The following PTCHD1 variants were observed in gnomAD, a reference collection of about 807,000 sequenced individuals.
The protein encoded by PTCHD1 is patched domain-containing protein 1.
A neutral mutation model predicts 34.6 loss-of-function variants in PTCHD1; 3 were observed. The ratio of observed to expected loss-of-function variants is 0.09; its 90% CI spans 0.04 to 0.22. The LOEUF is 0.22. Among genes scored for constraint, PTCHD1 ranks in the 10% least tolerant of loss-of-function variants. The pLI, the probability that PTCHD1 is intolerant of heterozygous loss-of-function variation, is 1.00. For synonymous variants in PTCHD1, 305 were observed against 283.1 expected (o/e 1.08, Z -0.77); for missense variants, 504 against 685.5 (o/e 0.74, Z 2.96).
At chrX:23,362,587 G>A (rs779976319) in intron 1 of PTCHD1, among the ~76,000 whole-genome samples, 13 of 111,836 alleles carry the variant, frequency 1.2e-4, no homozygotes, top group South Asian at 3.8e-4. Flanking sequence ...CCTTTAGCTC[G>A]GAGAAGTTTG....
chrX:23,354,676 T>C (rs1921751412), intron 1 of PTCHD1, among the ~76,000 whole-genome samples: 1 of 105,094 alleles, frequency 9.5e-6, no homozygotes, highest in Non-Finnish European at 2.0e-5. Flanking sequence ...AGGTTCAAAC[T>C]ATTCTCCTGC....
rs1397294121 is a variant in PTCHD1, at chrX:23,399,521, G to C, written c.*5336G>C. On this transcript the variant is annotated 3_prime_UTR_variant, in exon 3 of 3. Transcript: ENST00000379361. Reference sequence around the variant, plus strand: ...TCCTAAATTAATACAGACCTCATTGGGAGTGTGATCCTGGTGTCCTCATTT... The same window carrying C: ...TCCTAAATTAATACAGACCTCATTGCGAGTGTGATCCTGGTGTCCTCATTT... 8.9e-6 allele frequency: 1 copy of C among 111,796 alleles called. No homozygotes were observed. The highest frequency in any genetic ancestry group is 1.9e-5 in the Non-Finnish European group (1 of 53,202). 9.2% of individuals were successfully genotyped at this position (111,796 alleles called of 1,213,427 possible).
Position 23,395,231 on chromosome X carries a change from A to G in PTCHD1, c.*1046A>G, listed in dbSNP as rs1486194023. On this transcript the variant is annotated 3_prime_UTR_variant, in exon 3 of 3. Transcript: ENST00000379361. Reference sequence around the variant, plus strand: ...CATCTGCCCACACAAAACTGCGGGGAAAAAAAATGAACACTGAAATAGTTA... The same window carrying G: ...CATCTGCCCACACAAAACTGCGGGGGAAAAAAATGAACACTGAAATAGTTA... 2 of 112,022 alleles carry G rather than the reference A, an allele frequency of 1.8e-5. No individual in the cohort carries two copies. Among genetic ancestry groups the G allele is most frequent in the Non-Finnish European group, 3.8e-5 (2 of 53,143 alleles). 9.2% of individuals were successfully genotyped at this position (112,022 alleles called of 1,213,427 possible). A position where few individuals can be genotyped will look rare whatever the true frequency, so the allele number is the denominator to read the frequency against.
chrX:23,363,320 C>T (rs1002315222), intron 1 of PTCHD1, among the ~76,000 whole-genome samples: 4 of 112,634 alleles, frequency 3.6e-5, no homozygotes, highest in African/African-American at 1.3e-4. Context: ...GTTTGAGCTT[C>T]CAGGGCAGCT....
In PTCHD1 at chrX:23,394,368, T is replaced by C. The variant is rs1922920115; in HGVS notation, c.*183T>C. The stretch of plus-strand genomic sequence containing the variant: ...AAATGGGCCTGGCATATTTTCAGTC[T>C]TTAAAACAAAGGAGTTGTTATGAGA... On this transcript the variant is annotated 3_prime_UTR_variant, in exon 3 of 3. Transcript: ENST00000379361. 2.4e-6 allele frequency: 1 copy of C among 410,193 alleles called. No individual in the cohort carries two copies. The highest frequency in any genetic ancestry group is 4.1e-5 in the East Asian group (1 of 24,442). The allele number at this position is 410,193 out of a possible 1,213,427, so 33.8% of individuals were successfully genotyped here.
intron 2 of PTCHD1, among the ~76,000 whole-genome samples, chrX:23,384,637 C>T (rs1291468969): frequency 8.9e-6 from 1 of 111,881 alleles, no homozygotes; most frequent in Non-Finnish European, 1.9e-5. Context: ...AATTCTCATG[C>T]AAAACATTTA....
intron 1 of PTCHD1, among the ~76,000 whole-genome samples, chrX:23,342,472 G>A (rs749312200): frequency 3.8e-5 from 4 of 106,544 alleles, no homozygotes; most frequent in African/African-American, 6.7e-5. Flanking sequence ...GTTATACATC[G>A]AGAGATTTAG....
intron 1 of PTCHD1, among the ~76,000 whole-genome samples, chrX:23,342,292 ATATATATATATATATATATTTTTTTT>A (rs1477827583): frequency 1.1e-3 from 8 of 7,065 alleles, no homozygotes; most frequent in African/African-American, 6.5e-3. Context: ...ATATATATAT[ATATATATATATATATATATTTTTTTT>A]TTTTTTTTTT....
In PTCHD1 at chrX:23,402,312, TC is replaced by T. The variant is rs1923143235; in HGVS notation, c.*8128del. ...GCTTATACCAAACTCTCTGTCTCTCTCTCTCTCTCTCACACACACACACACA... is the reference window on the plus strand; with the variant it reads ...GCTTATACCAAACTCTCTGTCTCTCTTCTCTCTCTCACACACACACACACA... On this transcript the variant is annotated 3_prime_UTR_variant, in exon 3 of 3. Coordinates refer to ENST00000379361, the MANE Select transcript of PTCHD1 (RefSeq NM_173495.3). The T allele has an allele frequency of 9.0e-6, 1 of 111,266 alleles. No homozygotes were observed. The highest frequency in any genetic ancestry group is 3.3e-5 in the African/African-American group (1 of 30,406). The allele number at this position is 111,266 out of a possible 1,213,427, so 9.2% of individuals were successfully genotyped here. A position where few individuals can be genotyped will look rare whatever the true frequency, so the allele number is the denominator to read the frequency against.
At chrX:23,343,189 T>C in intron 1 of PTCHD1, among the ~76,000 whole-genome samples, 1 of 112,978 alleles carries the variant, frequency 8.9e-6, no homozygotes, top group Non-Finnish European at 1.9e-5. Flanking sequence ...TATATTCATT[T>C]TTCATCTTTG....
intron 1 of PTCHD1, among the ~76,000 whole-genome samples, chrX:23,376,698 G>A (rs1922422187): frequency 8.9e-6 from 1 of 111,807 alleles, no homozygotes; most frequent in Non-Finnish European, 1.9e-5. Flanking sequence ...TATAACTCTT[G>A]TTATCCTCTC....
At chrX:23,335,492 A>AGTGCT (rs1190023906) in intron 1 of PTCHD1, among the ~76,000 whole-genome samples, 5 of 112,905 alleles carry the variant, frequency 4.4e-5, no homozygotes, top group African/African-American at 1.3e-4. Flanking sequence ...CGGCGGCCAC[A>AGTGCT]GTGCTGTGGT....
intron 2 of PTCHD1, among the ~76,000 whole-genome samples, chrX:23,391,170 T>TTA (rs778900281): frequency 9.0e-6 from 1 of 111,323 alleles, no homozygotes; most frequent in Non-Finnish European, 1.9e-5. Flanking sequence ...ACATGAGCAT[T>TTA]TACTGTACCT....
Position 23,393,438 on chromosome X carries a change from C to A in PTCHD1, c.1920C>A (p.Val640=). ...IIFSKKYNDE[V]DVVASRMFLV... Reference sequence around the variant, plus strand: ...TCTCTAAAAAATACAATGATGAGGTCGATGTAGTGGCCTCCAGAATGTTTT... The same window carrying A: ...TCTCTAAAAAATACAATGATGAGGTAGATGTAGTGGCCTCCAGAATGTTTT... Residue 640 remains valine, a synonymous_variant, in exon 3 of 3, where the codon GTC becomes GTA. Transcript: ENST00000379361. 2.5e-6 allele frequency: 3 copies of A among 1,209,492 alleles called. No homozygotes were observed. The African/African-American group carries it at 5.2e-5, about 21-fold the overall frequency.
At chrX:23,359,560 G>C in intron 1 of PTCHD1, among the ~76,000 whole-genome samples, 1 of 111,910 alleles carries the variant, frequency 8.9e-6, no homozygotes, top group Middle Eastern at 4.6e-3. Flanking sequence ...TGAGACGATG[G>C]GATTTTATAA....
intron 1 of PTCHD1, among the ~76,000 whole-genome samples, chrX:23,363,361 G>A (rs1447280616): frequency 7.1e-5 from 8 of 112,560 alleles, no homozygotes; most frequent in East Asian, 2.8e-4. Context: ...CAGCAGTGGC[G>A]GACGCCCATC....
intron 1 of PTCHD1, among the ~76,000 whole-genome samples, chrX:23,338,515 C>T (rs1874820126): frequency 8.9e-6 from 1 of 112,107 alleles, no homozygotes; most frequent in African/African-American, 3.2e-5. Flanking sequence ...CAGTACAGCC[C>T]AGTACTTATG....
rs1175157553 is a variant in PTCHD1, at chrX:23,343,092, A to T, written c.351+7866A>T. On this transcript the variant is annotated intron_variant, in intron 1 of 2. Transcript: ENST00000379361. Reference sequence around the variant, plus strand: ...TTGTTACTGGTTTATAGCTTGTAAGATGGAAAATGTGCTCTGCCTCCCTAT... The same window carrying T: ...TTGTTACTGGTTTATAGCTTGTAAGTTGGAAAATGTGCTCTGCCTCCCTAT... Among the ~76,000 whole-genome samples the T allele has an allele frequency of 4.4e-5, 5 of 112,403 alleles. No individual in the cohort carries two copies. In the East Asian group the frequency reaches 1.1e-3, roughly 25 times the overall value.
At chrX:23,350,998 C>T in intron 1 of PTCHD1, 1 of 257,683 alleles carries the variant, frequency 3.9e-6, no homozygotes, top group Non-Finnish European at 7.0e-6. Flanking sequence ...TCCATATTTT[C>T]ATGGGAATCC....
Sources: gnomAD v4.1 joint callset for allele counts (sites outside exome capture counted in the v4.1 genomes callset) on GRCh38, gnomAD v4.1.1 for gene constraint, MANE v1.5 for transcripts, NCBI Gene and HGNC (gene_info 2026-07-23, HGNC 2026-07-21) for gene names.